HSBP1L1: variants seen among roughly 807,000 people sequenced by gnomAD.
HSBP1L1 encodes the protein heat shock factor binding protein 1 like 1.
HSBP1L1 carries 8 observed loss-of-function variants against 9.7 expected under a neutral mutation model. That is an observed-to-expected ratio of 0.82 (90% CI 0.48 to 1.48). The LOEUF (loss-of-function observed/expected upper bound fraction) is 1.48. HSBP1L1 is among the 40% of genes most tolerant of loss of function. HSBP1L1 has a pLI of 0.00. For missense variants in HSBP1L1, 106 were observed against 95.8 expected, an observed-to-expected ratio of 1.11 and a Z score of -0.44; for synonymous variants, 39 against 34.4, an observed-to-expected ratio of 1.13 and a Z score of -0.46.
intron 1 of HSBP1L1, among the ~76,000 whole-genome samples, chr18:79,966,304 G>GCC (rs1304365206): frequency 2.8e-4 from 42 of 152,292 alleles, no homozygotes; most frequent in African/African-American, 1.0e-3. Flanking sequence ...AGCACTTTGG[G>GCC]AGGTCAAGGT....
In HSBP1L1 at chr18:79,964,775, C is replaced by T. The variant is rs1442874657; in HGVS notation, c.40C>T (p.Leu14=). 1 of 1,406,792 alleles carries T rather than the reference C, an allele frequency of 7.1e-7. No homozygotes were observed. 87.1% of individuals were successfully genotyped at this position (1,406,792 alleles called of 1,614,324 possible). A position where few individuals can be genotyped will look rare whatever the true frequency, so the allele number is the denominator to read the frequency against. Residue 14 remains leucine (L), a synonymous_variant, in exon 1 of 4, where the codon CTG becomes TTG. Coordinates refer to ENST00000451882, the MANE Select transcript of HSBP1L1 (RefSeq NM_001136180.2). ...CCCTGAAGCCCCCGGCGGGCGCGCG[C>T]TGCGGGACGCGGTGAGCCCCTCCCC... The part of the protein sequence containing the change: ...RGPEAPGGRA[L]RDAAENLFQE...
At chr18:79,965,246 C>CT (rs1235535059) in intron 1 of HSBP1L1, among the ~76,000 whole-genome samples, 2 of 152,234 alleles carry the variant, frequency 1.3e-5, no homozygotes, top group Non-Finnish European at 2.9e-5. Flanking sequence ...CTCCCCAGGC[C>CT]TTCCTACTTG....
rs1321959676 is a variant in HSBP1L1, at chr18:79,969,004, G to C, written c.213+821G>C. The stretch of plus-strand genomic sequence containing the variant: ...CGAGACCATCCTGTGAATGGTGAAA[G>C]CCCGTCTCTACTAAAAATACAAAAA... On this transcript the variant is annotated intron_variant, in intron 3 of 3. Coordinates refer to ENST00000451882, the MANE Select transcript of HSBP1L1 (RefSeq NM_001136180.2). Among the ~76,000 whole-genome samples, 291 of 138,870 alleles carry C rather than the reference G, an allele frequency of 2.1e-3. 1 individual carries two copies. The highest frequency in any genetic ancestry group is 7.5e-3 in the African/African-American group (274 of 36,774). 91.1% of individuals were successfully genotyped at this position (138,870 alleles called of 152,430 possible). A position where few individuals can be genotyped will look rare whatever the true frequency, so the allele number is the denominator to read the frequency against.
rs1399694054 is a variant in HSBP1L1 at position 79,966,597 on chromosome 18, G to A, written c.52-15G>A. On this transcript the variant is annotated splice_polypyrimidine_tract_variant and intron_variant, in intron 1 of 3. Coordinates refer to ENST00000451882, the MANE Select transcript of HSBP1L1 (RefSeq NM_001136180.2). Reference sequence around the variant, plus strand: ...GTAAATATTTATTCAATTGTCTTACGGTTTATTTTTTCAGGCAGAAAATCT... The same window carrying A: ...GTAAATATTTATTCAATTGTCTTACAGTTTATTTTTTCAGGCAGAAAATCT... The A allele has an allele frequency of 9.1e-6, 14 of 1,537,124 alleles. No homozygotes were observed. Among genetic ancestry groups the A allele is most frequent in the South Asian group, 3.6e-5 (3 of 83,246 alleles).
chr18:79,969,191 AAAAGAAAGG>A lies in HSBP1L1; in HGVS notation c.213+1017_213+1025del, dbSNP rs1373405993. On this transcript the variant is annotated intron_variant, in intron 3 of 3. Transcript: ENST00000451882. ...GCGACAGAGCGAGACAACATGAAAG[AAAAGAAAGG>A]AAAGAAAGAAAGAAAGAAAGAAAGA... Among the ~76,000 whole-genome samples the A allele has an allele frequency of 1.0e-3, 58 of 57,348 alleles. 1 individual carries two copies. Among genetic ancestry groups the A allele is most frequent in the Middle Eastern group, 0.014 (2 of 144 alleles). 37.6% of individuals were successfully genotyped at this position (57,348 alleles called of 152,430 possible). A position where few individuals can be genotyped will look rare whatever the true frequency, so the allele number is the denominator to read the frequency against.
At chr18:79,969,341 A>AAGAAAG (rs1197862375) in intron 3 of HSBP1L1, among the ~76,000 whole-genome samples, 1 of 27,416 alleles carries the variant, frequency 3.6e-5, no homozygotes, top group Non-Finnish European at 9.3e-5. Context: ...AAAAGAAAGA[A>AAGAAAG]AGAAAGAAAG....
intron 1 of HSBP1L1, among the ~76,000 whole-genome samples, chr18:79,964,988 T>TG (rs1033996014): frequency 5.0e-4 from 55 of 110,284 alleles, no homozygotes; most frequent in African/African-American, 1.8e-3. Context: ...CCTGTGGTCC[T>TG]GGGGGGGCCC....
chr18:79,965,995 G>A (rs544973604), intron 1 of HSBP1L1, among the ~76,000 whole-genome samples: 1 of 152,138 alleles, frequency 6.6e-6, no homozygotes, highest in African/African-American at 2.4e-5. Flanking sequence ...GCAGTGGCGC[G>A]ATCTCGGCTC....
intron 2 of HSBP1L1, chr18:79,966,881 G>A: frequency 4.1e-6 from 2 of 488,558 alleles, no homozygotes; most frequent in Non-Finnish European, 7.4e-6. Context: ...GGGTGCAGTG[G>A]CTCACGCCTG....
chr18:79,965,788 G>A (rs779078284), intron 1 of HSBP1L1, among the ~76,000 whole-genome samples: 1 of 152,120 alleles, frequency 6.6e-6, no homozygotes, highest in African/African-American at 2.4e-5. Flanking sequence ...AGGGGGATGG[G>A]TCCCTGCCCC....
rs35959688 is a variant in HSBP1L1 at position 79,969,394 on chromosome 18, A to AGAG, written c.214-1046_214-1045insGAG. 2.2e-3 allele frequency among the ~76,000 whole-genome samples: 180 copies of AGAG among 80,302 alleles called. 5 individuals carry two copies. Among genetic ancestry groups the AGAG allele is most frequent in the Non-Finnish European group, 1.2e-3 (49 of 39,710 alleles). 52.7% of individuals were successfully genotyped at this position (80,302 alleles called of 152,430 possible). ...AAGAAAGAAAGAAAGAAAGAAAGAA[A>AGAG]AAAAAACGATGCAGAATAGCGCCCA... On this transcript the variant is annotated intron_variant, in intron 3 of 3. Transcript: ENST00000451882.
At position 79,966,474 on chromosome 18, in the gene HSBP1L1, CGGAGGT is replaced by C. The variant is rs1049937078; in HGVS notation, c.52-137_52-132del. ...GGGAGAATCACTTGAATCCAGGAGG[CGGAGGT>C]TGTAGTGAGCTGAGATCGCGCCATT... On this transcript the variant is annotated intron_variant, in intron 1 of 3. Coordinates refer to ENST00000451882, the MANE Select transcript of HSBP1L1 (RefSeq NM_001136180.2). 4.9e-5 allele frequency: 29 copies of C among 596,822 alleles called. No individual in the cohort carries two copies. The Admixed American group carries it at 5.6e-4, about 12-fold the overall frequency. The allele number at this position is 596,822 out of a possible 1,614,324, so 37.0% of individuals were successfully genotyped here. A position where few individuals can be genotyped will look rare whatever the true frequency, so the allele number is the denominator to read the frequency against.
At chr18:79,966,300 T>G (rs1367972745) in intron 1 of HSBP1L1, among the ~76,000 whole-genome samples, 42 of 152,212 alleles carry the variant, frequency 2.8e-4, no homozygotes, top group African/African-American at 1.0e-3. Flanking sequence ...TCCCAGCACT[T>G]TGGGAGGTCA....
Position 79,970,573 on chromosome 18 carries a change from G to A in HSBP1L1, c.*122G>A. The A allele has an allele frequency of 5.0e-6, 3 of 603,570 alleles. No homozygotes were observed. Among genetic ancestry groups the A allele is most frequent in the South Asian group, 1.6e-5 (1 of 61,958 alleles). The allele number at this position is 603,570 out of a possible 1,614,324, so 37.4% of individuals were successfully genotyped here. On this transcript the variant is annotated 3_prime_UTR_variant, in exon 4 of 4. Coordinates refer to ENST00000451882, the MANE Select transcript of HSBP1L1 (RefSeq NM_001136180.2). ...TTCTGAGAAGAGACGCAAGGGGCTC[G>A]CCTGCTCTCCCCTCCGTGCCTGCAC...
chr18:79,965,301 A>T (rs1354505745), intron 1 of HSBP1L1, among the ~76,000 whole-genome samples: 1 of 152,172 alleles, frequency 6.6e-6, no homozygotes, highest in African/African-American at 2.4e-5. Context: ...TGAGGAAGAG[A>T]CCTGGAATCT....
intron 1 of HSBP1L1, among the ~76,000 whole-genome samples, chr18:79,966,174 A>AATG (rs2051256159): frequency 6.7e-6 from 1 of 148,398 alleles, no homozygotes; most frequent in African/African-American, 2.4e-5. Context: ...CTCCTGATCC[A>AATG]CCCGCCTCGG....
chr18:79,964,858 CT>C (rs2051248711), intron 1 of HSBP1L1, 72 bp downstream of exon 1: 1 of 619,620 alleles, frequency 1.6e-6, no homozygotes, highest in Non-Finnish European at 2.1e-6. Flanking sequence ...TTTTGAGGTC[CT>C]GGGGGGGGAG....
intron 3 of HSBP1L1, among the ~76,000 whole-genome samples, chr18:79,969,330 A>AAAG (rs2051278313): frequency 6.0e-5 from 4 of 66,788 alleles, no homozygotes; most frequent in Admixed American, 1.6e-4. Context: ...AGAAAGAAAG[A>AAAG]AAAAGAAAGA....
intron 3 of HSBP1L1, 21 bp from the exon 4 acceptor site, chr18:79,970,419 C>T (rs1478193457): frequency 8.4e-6 from 6 of 718,392 alleles, no homozygotes; most frequent in African/African-American, 3.5e-5. Context: ...ACGGCCTGAA[C>T]GTTTATGTCT....
Sources: allele counts gnomAD v4.1 joint callset (sites outside exome capture counted in the v4.1 genomes callset), GRCh38; gene constraint gnomAD v4.1.1; transcripts MANE v1.5; gene names NCBI Gene and HGNC (gene_info 2026-07-23, HGNC 2026-07-21).